The following GBF1 variants were observed in gnomAD, a reference collection of about 807,000 sequenced individuals.
GBF1 encodes golgi brefeldin A resistant guanine nucleotide exchange factor 1.
Under a neutral mutation model 210.5 loss-of-function variants are expected in GBF1, and 114 were observed. That is an observed-to-expected ratio of 0.54 (90% CI 0.47 to 0.63). The LOEUF (loss-of-function observed/expected upper bound fraction) is 0.63, where lower values mean the gene tolerates loss of function less well. Among genes scored for constraint, GBF1 ranks in the 30% least tolerant of loss-of-function variants. The pLI, the probability that GBF1 is intolerant of heterozygous loss-of-function variation, is 0.00. For missense variants in GBF1, 1,851 were observed against 2,357.7 expected (o/e 0.79, Z 4.45); for synonymous variants, 850 against 889.2 (o/e 0.96, Z 0.78).
chr10:102,259,940 C>A, intron 2 of GBF1, 110 bp from the exon 3 acceptor site: 5 of 647,298 alleles, frequency 7.7e-6, no homozygotes, highest in South Asian at 1.9e-5. Flanking sequence ...AGAAGGAAAA[C>A]TTAAATGATT....
intron 17 of GBF1, among the ~76,000 whole-genome samples, chr10:102,364,996 C>G (rs1404847970): frequency 6.6e-6 from 1 of 152,150 alleles, no homozygotes; most frequent in Non-Finnish European, 1.5e-5. Flanking sequence ...GTCTTTCAAA[C>G]CCAGGGCATT....
chr10:102,260,375 G>C (rs1395357280), intron 3 of GBF1, among the ~76,000 whole-genome samples: 1 of 151,372 alleles, frequency 6.6e-6, no homozygotes, highest in Non-Finnish European at 1.5e-5. Context: ...GCCCAGGCTG[G>C]TTTCAAATGC....
At chr10:102,258,827 G>T in intron 1 of GBF1, 102 bp from the exon 2 acceptor site, 22 of 497,312 alleles carry the variant, frequency 4.4e-5, no homozygotes, top group Non-Finnish European at 6.5e-5. Context: ...GTACTGAAAA[G>T]TTAAATCACA....
chr10:102,371,216 G>C (rs763243707), intron 29 of GBF1, among the ~76,000 whole-genome samples: 1 of 152,162 alleles, frequency 6.6e-6, no homozygotes, highest in Non-Finnish European at 1.5e-5. Flanking sequence ...CTAATAAGTG[G>C]ATTCAACAAG....
Position 102,351,391 on chromosome 10 carries a change from T to C in GBF1, c.414+17T>C, listed in dbSNP as rs1045949839. ...ATCCTTCAGGTAAGCGAGAGGGAAA[T>C]AGCAATTAGGCTAATGGCCAGGGGC... On this transcript the variant is annotated intron_variant, in intron 5 of 39. Transcript: ENST00000369983. 7 of 1,301,424 alleles carry C rather than the reference T, an allele frequency of 5.4e-6. No homozygotes were observed. The African/African-American group carries it at 1.0e-4, about 19-fold the overall frequency. 80.6% of individuals were successfully genotyped at this position (1,301,424 alleles called of 1,614,324 possible).
In GBF1 at chr10:102,272,455, A is replaced by C. The variant is rs182072893; in HGVS notation, c.163+12339A>C. Among the ~76,000 whole-genome samples the C allele has an allele frequency of 4.2e-3, 643 of 152,300 alleles. 1 individual carries two copies. Among genetic ancestry groups the C allele is most frequent in the Middle Eastern group, 0.014 (4 of 294 alleles). On this transcript the variant is annotated intron_variant, in intron 3 of 39. Coordinates refer to ENST00000369983, the MANE Select transcript of GBF1 (RefSeq NM_001377137.1). ...TTACTTGCTTCTTATGGTGACTGCC[A>C]TATCTCCTAATTTTGAAATACGTTA... is the stretch of plus-strand genomic sequence containing the variant.
chr10:102,370,629 G>C, intron 28 of GBF1, 78 bp from the exon 29 acceptor site: 1 of 1,454,726 alleles, frequency 6.9e-7, no homozygotes, highest in South Asian at 1.2e-5. Flanking sequence ...ATACCAATGA[G>C]TCCTGAAAGG....
chr10:102,273,486 CA>C (rs1480997056), intron 3 of GBF1, among the ~76,000 whole-genome samples: 2 of 152,124 alleles, frequency 1.3e-5, no homozygotes, highest in Non-Finnish European at 2.9e-5. Flanking sequence ...CCATCATGGT[CA>C]AAAAAGTTTG....
chr10:102,239,900 T>C, the GBF1 span, among the ~76,000 whole-genome samples: 2 of 152,174 alleles, frequency 1.3e-5, no homozygotes, highest in African/African-American at 4.8e-5. Context: ...GGCCAAGATA[T>C]CCTTCCCAAC....
chr10:102,353,363 C>T (rs1565148105), intron 7 of GBF1, among the ~76,000 whole-genome samples: 1 of 152,184 alleles, frequency 6.6e-6, no homozygotes, highest in Non-Finnish European at 1.5e-5. Context: ...CTCCACACTC[C>T]AAGGGCACTT....
chr10:102,359,309 G>C lies in GBF1; in HGVS notation c.1054G>C (p.Glu352Gln). Residue 352 changes from glutamate (E) to glutamine (Q), a missense_variant, in exon 11 of 40, where the codon GAG (glutamate) becomes CAG (glutamine). Physicochemically the swap from Glu to Gln is conservative, Grantham distance 29. This residue lies in a region of GBF1 where 804 missense variants were observed against 958.6 expected (regional missense o/e 0.84). Coordinates refer to ENST00000369983, the MANE Select transcript of GBF1 (RefSeq NM_001377137.1). ...GGAAAAGTCCCAGTCAGCATCTGTG[G>C]AGTCCATCCCTGAAGTGTTAGAGGA... ...HVEKSQSASV[E>Q]SIPEVLEECT... 6.2e-7 allele frequency: 1 copy of C among 1,612,170 alleles called. No individual in the cohort carries two copies. The highest frequency in any genetic ancestry group is 8.5e-7 in the Non-Finnish European group (1 of 1,178,256).
chr10:102,349,586 G>C (rs1358422744), intron 4 of GBF1, among the ~76,000 whole-genome samples: 1 of 152,062 alleles, frequency 6.6e-6, no homozygotes, highest in Admixed American at 6.6e-5. Context: ...TAATTCCTGT[G>C]ACTAAAATTA....
Position 102,379,724 on chromosome 10 carries a change from C to T in GBF1, c.4776+73C>T. 2.6e-6 allele frequency: 4 copies of T among 1,547,512 alleles called. No individual in the cohort carries two copies. The East Asian group carries it at 9.0e-5, about 35-fold the overall frequency. On this transcript the variant is annotated intron_variant, in intron 35 of 39. Coordinates refer to ENST00000369983, the MANE Select transcript of GBF1 (RefSeq NM_001377137.1). ...GGAAAGCCAGGCAGCCTGAAGAGCC[C>T]CTAATGTGAGTCTTCAGCCTGCATC...
intron 38 of GBF1, 76 bp from the exon 39 acceptor site, chr10:102,381,051 G>A: frequency 7.0e-7 from 1 of 1,430,420 alleles, no homozygotes; most frequent in Non-Finnish European, 9.7e-7. Flanking sequence ...TGGGTAGAAA[G>A]GCTGTTGGGT....
At chr10:102,312,297 A>C (rs78964896) in intron 3 of GBF1, among the ~76,000 whole-genome samples, 1 of 115,198 alleles carries the variant, frequency 8.7e-6, no homozygotes, top group East Asian at 2.7e-4. Context: ...CTGTCTCAGA[A>C]AAAAAAAAAA....
At chr10:102,369,570 G>A in intron 24 of GBF1, 141 bp from the exon 25 acceptor site, 1 of 881,982 alleles carries the variant, frequency 1.1e-6, no homozygotes, top group Admixed American at 2.1e-5. Flanking sequence ...AAGGCTGGTA[G>A]ATGCCATTGC....
At position 102,296,470 on chromosome 10, in the gene GBF1, C is replaced by T. The variant is rs190873740; in HGVS notation, c.163+36354C>T. Among the ~76,000 whole-genome samples the T allele has an allele frequency of 1.9e-3, 294 of 152,294 alleles. 1 individual carries two copies. Among genetic ancestry groups the T allele is most frequent in the Admixed American group, 3.8e-3 (58 of 15,298 alleles). ...GAATGATAAAGAATTGTAGGCCAGA[C>T]GCGGTGGCTCACGCCTGTAATCTCA... On this transcript the variant is annotated intron_variant, in intron 3 of 39. Coordinates refer to ENST00000369983, the MANE Select transcript of GBF1 (RefSeq NM_001377137.1).
At chr10:102,254,277 T>C (rs1047435163) in intron 1 of GBF1, among the ~76,000 whole-genome samples, 4 of 152,132 alleles carry the variant, frequency 2.6e-5, no homozygotes, top group African/African-American at 9.7e-5. Flanking sequence ...CACACACCTG[T>C]TGTCCCAGCT....
intron 3 of GBF1, among the ~76,000 whole-genome samples, chr10:102,335,203 G>A (rs1024889846): frequency 6.6e-6 from 1 of 152,146 alleles, no homozygotes; most frequent in African/African-American, 2.4e-5. Flanking sequence ...TTCTCCAATG[G>A]GGGGTTAGAT....
Sources: allele counts gnomAD v4.1 joint callset (sites outside exome capture counted in the v4.1 genomes callset), GRCh38; gene constraint gnomAD v4.1.1; regional missense constraint gnomAD v4.1.1; transcripts MANE v1.5; gene names NCBI Gene and HGNC (gene_info 2026-07-23, HGNC 2026-07-21).